The following CPNE8 variants were observed in gnomAD, a reference collection of about 807,000 sequenced individuals.
CPNE8 encodes copine 8, also known as copine-8.
Under a neutral mutation model 81.5 loss-of-function variants are expected in CPNE8, and 45 were observed. That is an observed-to-expected ratio of 0.55 (90% CI 0.44 to 0.71). CPNE8 has a LOEUF of 0.71. CPNE8 is among the 30% of genes least tolerant of loss of function. CPNE8 has a pLI of 0.00. For missense variants in CPNE8, 594 were observed against 672.1 expected, an observed-to-expected ratio of 0.88 and a Z score of 1.28; for synonymous variants, 252 against 226.3, an observed-to-expected ratio of 1.11 and a Z score of -1.02.
chr12:38,819,364 C>G (rs956302389), intron 6 of CPNE8, among the ~76,000 whole-genome samples: 3 of 152,034 alleles, frequency 2.0e-5, no homozygotes, highest in African/African-American at 4.8e-5. Context: ...CTAGCCATAA[C>G]TGACTTATTA....
At chr12:38,677,699 ATACACAAT>A (rs1294117641) in intron 16 of CPNE8, 145 bp from the exon 17 acceptor site, 2 of 607,788 alleles carry the variant, frequency 3.3e-6, no homozygotes, top group African/African-American at 3.7e-5. Flanking sequence ...AAACTTTCAA[ATACACAAT>A]TATCTGAAAT....
intron 6 of CPNE8, among the ~76,000 whole-genome samples, chr12:38,783,044 A>G (rs1288748190): frequency 1.3e-5 from 2 of 152,188 alleles, no homozygotes; most frequent in African/African-American, 4.8e-5. Flanking sequence ...AAAAAGATCA[A>G]TTTTAAAGAT....
At chr12:38,750,220 T>G (rs1293289183) in intron 10 of CPNE8, among the ~76,000 whole-genome samples, 1 of 152,210 alleles carries the variant, frequency 6.6e-6, no homozygotes, top group African/African-American at 2.4e-5. Context: ...TGGGAACCTC[T>G]GCTTAGATTT....
intron 11 of CPNE8, among the ~76,000 whole-genome samples, chr12:38,725,995 A>AT (rs1054050042): frequency 6.6e-5 from 10 of 152,150 alleles, no homozygotes; most frequent in Non-Finnish European, 1.2e-4. Flanking sequence ...ACCTCAGATC[A>AT]TTAGGCATTA....
At chr12:38,858,685 G>A (rs1762246320) in intron 3 of CPNE8, among the ~76,000 whole-genome samples, 2 of 152,154 alleles carry the variant, frequency 1.3e-5, no homozygotes, top group Admixed American at 6.5e-5. Context: ...CACCAGCCCT[G>A]TTTTTGCTAG....
intron 13 of CPNE8, among the ~76,000 whole-genome samples, chr12:38,709,482 G>T (rs930035237): frequency 6.6e-6 from 1 of 152,162 alleles, no homozygotes. Flanking sequence ...TTTCACTCAT[G>T]ATTCACGTGA....
chr12:38,737,707 C>T (rs1366915408), intron 10 of CPNE8, among the ~76,000 whole-genome samples: 1 of 152,040 alleles, frequency 6.6e-6, no homozygotes, highest in Non-Finnish European at 1.5e-5. Flanking sequence ...ATTTCTCTCA[C>T]TTTTTCACAG....
intron 6 of CPNE8, among the ~76,000 whole-genome samples, chr12:38,777,375 G>C (rs1941958120): frequency 6.6e-6 from 1 of 152,132 alleles, no homozygotes. Context: ...TTCTAGATAA[G>C]TGTTATTATT....
chr12:38,869,920 T>C (rs1472423747), intron 3 of CPNE8, among the ~76,000 whole-genome samples: 1 of 152,248 alleles, frequency 6.6e-6, no homozygotes, highest in Non-Finnish European at 1.5e-5. Context: ...CCATTTCTCA[T>C]AAACTGTAGG....
At chr12:38,874,294 C>T (rs1180413416) in intron 2 of CPNE8, among the ~76,000 whole-genome samples, 177 bp downstream of exon 2, 2 of 152,066 alleles carry the variant, frequency 1.3e-5, no homozygotes, top group Admixed American at 6.5e-5. Context: ...TCTCAAAGTG[C>T]TCAGCAAGTC....
intron 13 of CPNE8, among the ~76,000 whole-genome samples, chr12:38,722,739 C>T (rs1222966749): frequency 6.6e-6 from 1 of 152,020 alleles, no homozygotes; most frequent in Non-Finnish European, 1.5e-5. Flanking sequence ...TTTTTTAAAT[C>T]TCTGGGGATG....
intron 19 of CPNE8, among the ~76,000 whole-genome samples, chr12:38,662,898 C>G (rs903962077): frequency 2.0e-5 from 3 of 152,002 alleles, no homozygotes; most frequent in Non-Finnish European, 2.9e-5. Flanking sequence ...GAAAGAACAC[C>G]CTTTTCATTA....
intron 6 of CPNE8, among the ~76,000 whole-genome samples, chr12:38,805,518 G>A (rs1488270716): frequency 5.6e-5 from 6 of 107,910 alleles, no homozygotes; most frequent in South Asian, 3.9e-4. Context: ...TGGTGGGGTC[G>A]GGGGATGGGG....
At chr12:38,881,264 T>G (rs1257145757) in intron 1 of CPNE8, among the ~76,000 whole-genome samples, 4 of 151,356 alleles carry the variant, frequency 2.6e-5, no homozygotes, top group African/African-American at 9.7e-5. Context: ...AAAGCCGAAG[T>G]CAGCTAGCAT....
In CPNE8 at chr12:38,867,438, T is replaced by A. The variant is rs539028702; in HGVS notation, c.186+5566A>T. On this transcript the variant is annotated intron_variant, in intron 3 of 19. Transcript: ENST00000331366. ...GGAGATGAATAAATGTTAAAATAGC[T>A]CAGTGTCAATGGAATGGAGCAGAGT... Among the ~76,000 whole-genome samples the A allele has an allele frequency of 9.0e-4, 137 of 151,830 alleles. 1 individual carries two copies. The highest frequency in any genetic ancestry group is 3.1e-3 in the African/African-American group (128 of 41,378).
In CPNE8 at chr12:38,776,253, T is replaced by C. The variant is rs746876004; in HGVS notation, c.456A>G (p.Glu152=). The C allele has an allele frequency of 1.7e-5, 26 of 1,552,420 alleles. No individual in the cohort carries two copies. The highest frequency in any genetic ancestry group is 1.1e-4 in the South Asian group (9 of 79,404). Residue 152 remains glutamate, a synonymous_variant, in exon 7 of 20, where the codon GAA becomes GAG. Transcript: ENST00000331366. ...ATTTACTTACCCTGCAACAGTTTAA[T>C]TCCTCTGCTGTAAGTATGATTGTAC... The part of the protein sequence containing the change: ...KCGTIILTAE[E]LNCCRDAVLM...
At chr12:38,715,001 T>C (rs1011103500) in intron 13 of CPNE8, among the ~76,000 whole-genome samples, 11 of 152,126 alleles carry the variant, frequency 7.2e-5, no homozygotes, top group African/African-American at 2.7e-4. Flanking sequence ...ATGTGTCTTT[T>C]CTTAACTCTG....
In CPNE8 at chr12:38,776,232, A is replaced by G. The variant is rs755230089; in HGVS notation, c.471+6T>C. On this transcript the variant is annotated splice_donor_region_variant and intron_variant, in intron 7 of 19. Transcript: ENST00000331366. Reference sequence around the variant, plus strand: ...TATTTTCTAAACCAAAGAAATATTTACTTACCCTGCAACAGTTTAATTCCT... The same window carrying G: ...TATTTTCTAAACCAAAGAAATATTTGCTTACCCTGCAACAGTTTAATTCCT... 6.7e-7 allele frequency: 1 copy of G among 1,496,594 alleles called. No homozygotes were observed. The highest frequency in any genetic ancestry group is 9.1e-7 in the Non-Finnish European group (1 of 1,097,512). 92.7% of individuals were successfully genotyped at this position (1,496,594 alleles called of 1,614,324 possible). A position where few individuals can be genotyped will look rare whatever the true frequency, so the allele number is the denominator to read the frequency against.
At chr12:38,841,705 T>G (rs1943470160) in intron 4 of CPNE8, among the ~76,000 whole-genome samples, 1 of 152,156 alleles carries the variant, frequency 6.6e-6, no homozygotes, top group Non-Finnish European at 1.5e-5. Flanking sequence ...ATAAATAACC[T>G]GGAGAAAGTA....
Sources: gnomAD v4.1 joint callset for allele counts (sites outside exome capture counted in the v4.1 genomes callset) on GRCh38, gnomAD v4.1.1 for gene constraint, MANE v1.5 for transcripts, NCBI Gene and HGNC (gene_info 2026-07-23, HGNC 2026-07-21) for gene names.